Variants in C2CD3 observed in about 807,000 individuals in gnomAD.
C2CD3 encodes C2 domain containing 3 centriole elongation regulator, also known as C2 domain-containing protein 3.
Under a neutral mutation model 234.0 loss-of-function variants are expected in C2CD3, and 148 were observed. That is an observed-to-expected ratio of 0.63 (90% CI 0.55 to 0.72). The LOEUF (loss-of-function observed/expected upper bound fraction) is 0.72, where lower values mean the gene tolerates loss of function less well. Among genes scored for constraint, C2CD3 ranks in the 30% least tolerant of loss-of-function variants. The pLI, the probability that C2CD3 is intolerant of heterozygous loss-of-function variation, is 0.00. For synonymous variants in C2CD3, 1,000 were observed against 1,035.4 expected (o/e 0.97, Z 0.66); for missense variants, 2,577 against 2,811.5 (o/e 0.92, Z 1.89).
chr11:74,068,484 A>G (rs1191023746), intron 24 of C2CD3, among the ~76,000 whole-genome samples: 1 of 152,136 alleles, frequency 6.6e-6, no homozygotes, highest in African/African-American at 2.4e-5. Flanking sequence ...CCAGGGTTAG[A>G]GAGAGGAGTT....
rs374283766 is a variant in C2CD3, at chr11:74,122,993, C to T, written c.1360G>A (p.Ala454Thr). 6.2e-6 allele frequency: 10 copies of T among 1,612,466 alleles called. No homozygotes were observed. The highest frequency in any genetic ancestry group is 1.3e-5 in the African/African-American group (1 of 74,988). The change falls in exon 8 of 33, where the codon GCA (alanine) becomes ACA (threonine). Residue 454 changes from alanine to threonine, a missense_variant. Transcript: ENST00000334126. The part of the protein sequence containing the change: ...QSLLENLFYT[A>T]PKSDTSISDF... ...CTTCAGGTTCAGTGACTTACAGGTG[C>T]TGTATAAAATAAATTCTCCAGAAGA...
At chr11:74,122,853 T>C (rs1031074842) in intron 8 of C2CD3, 135 bp downstream of exon 8, 3 of 635,678 alleles carry the variant, frequency 4.7e-6, no homozygotes, top group Non-Finnish European at 8.1e-6. Context: ...ATGAAGATAA[T>C]ACTTTCCTCT....
chr11:74,070,728 A>G (rs1329835647), intron 24 of C2CD3: 7 of 152,150 alleles, frequency 4.6e-5, no homozygotes, highest in Admixed American at 3.9e-4. Context: ...AGTGTCAGTC[A>G]TGTAGCATAC....
At chr11:74,117,030 G>GAATA (rs1956993505) in intron 9 of C2CD3, among the ~76,000 whole-genome samples, 1 of 101,370 alleles carries the variant, frequency 9.9e-6, no homozygotes, top group African/African-American at 4.0e-5. Context: ...ACGTGTATAT[G>GAATA]TATATATACG....
intron 3 of C2CD3, among the ~76,000 whole-genome samples, chr11:74,147,935 T>C (rs1855326761): frequency 6.6e-6 from 1 of 152,186 alleles, no homozygotes; most frequent in African/African-American, 2.4e-5. Context: ...TCAACTTACC[T>C]TTCTCAATTT....
intron 32 of C2CD3, among the ~76,000 whole-genome samples, chr11:74,017,681 A>G (rs549538624): frequency 6.4e-4 from 97 of 152,330 alleles, no homozygotes; most frequent in Non-Finnish European, 1.1e-3. Flanking sequence ...TCTGAATGGG[A>G]TCAGGATGAG....
At chr11:74,083,603 A>G (rs1044007050) in intron 22 of C2CD3, among the ~76,000 whole-genome samples, 32 of 152,216 alleles carry the variant, frequency 2.1e-4, no homozygotes, top group African/African-American at 7.5e-4. Context: ...CAAGAAAAAA[A>G]CAAATAACCT....
intron 24 of C2CD3, 85 bp from the exon 25 acceptor site, chr11:74,057,629 G>A (rs987832046): frequency 2.6e-5 from 36 of 1,390,720 alleles, no homozygotes; most frequent in Non-Finnish European, 3.3e-5. Flanking sequence ...ACTATTCCTG[G>A]CCCTCTTCTT....
chr11:74,122,914 G>A (rs1957266908), intron 8 of C2CD3, 74 bp downstream of exon 8: 1 of 1,253,090 alleles, frequency 8.0e-7, no homozygotes, highest in Non-Finnish European at 1.1e-6. Context: ...ATGCATAGCT[G>A]TCATGCCTGC....
rs1403880480 is a variant in C2CD3, at chr11:74,057,473, A to T, written c.5023T>A (p.Ser1675Thr). 6.2e-7 allele frequency: 1 copy of T among 1,614,080 alleles called. No homozygotes were observed. The highest frequency in any genetic ancestry group is 1.7e-5 in the Admixed American group (1 of 60,020). The change falls in exon 25 of 33, where the codon TCT becomes ACT. Residue 1675 changes from serine to threonine, a missense_variant. Ser to Thr is a moderately conservative substitution (Grantham distance 58, BLOSUM62 1). Transcript: ENST00000334126. ...TCAACCACTTGGGTGTATACAGGAG[A>T]TGACTCATCGGCTGTTGCAAAGGAT... ...CVSFATADES[S>T]PVYTQVVENT... is the part of the protein sequence containing the mutation.
Position 74,102,126 on chromosome 11 carries a change from T to A in C2CD3, c.2580+1005A>T, listed in dbSNP as rs537006108. Among the ~76,000 whole-genome samples the A allele has an allele frequency of 1.1e-3, 160 of 152,248 alleles. 1 individual carries two copies. Among genetic ancestry groups the A allele is most frequent in the African/African-American group, 3.6e-3 (149 of 41,552 alleles). On this transcript the variant is annotated intron_variant, in intron 14 of 32. Coordinates refer to ENST00000334126, the MANE Select transcript of C2CD3 (RefSeq NM_001286577.2). Reference sequence around the variant, plus strand: ...CTTCCAGATAATTAAGTTAGTAGTATCTATTAGACTTGGTAAGTAATTACA... The same window carrying A: ...CTTCCAGATAATTAAGTTAGTAGTAACTATTAGACTTGGTAAGTAATTACA...
At chr11:74,127,181 A>G (rs559752677) in intron 7 of C2CD3, among the ~76,000 whole-genome samples, 4 of 152,124 alleles carry the variant, frequency 2.6e-5, no homozygotes, top group East Asian at 1.9e-4. Context: ...CTAATTTTTT[A>G]CTTTTTGTAG....
Position 74,033,672 on chromosome 11 carries a change from A to G in C2CD3, c.6488T>C (p.Val2163Ala). Residue 2163 changes from valine to alanine, a missense_variant, in exon 31 of 33, where the codon GTT (valine) becomes GCT (alanine). By Grantham distance (64) the Val-to-Ala change is moderately conservative (BLOSUM62 0). Coordinates refer to ENST00000334126, the MANE Select transcript of C2CD3 (RefSeq NM_001286577.2). The stretch of plus-strand genomic sequence containing the variant: ...GTTGGCTGAGGCAGACTCGCCACCA[A>G]CCCTGGCCTTAGAGGCCTCACACTC... Reference protein sequence around the residue: ...ACECEASKARVGGESASANPQ... With the variant: ...ACECEASKARAGGESASANPQ... 1 of 1,536,198 alleles carries G rather than the reference A, an allele frequency of 6.5e-7. No individual in the cohort carries two copies. Among genetic ancestry groups the G allele is most frequent in the African/African-American group, 1.4e-5 (1 of 73,134 alleles).
chr11:74,128,803 C>T (rs60433386), intron 7 of C2CD3: 48,285 of 185,722 alleles, frequency 0.26, 7,534 homozygotes, highest in African/African-American at 0.45. Flanking sequence ...TTGCACCGCC[C>T]TTAATCCATT....
At chr11:74,020,422 C>T (rs958742203) in intron 32 of C2CD3, among the ~76,000 whole-genome samples, 13 of 152,256 alleles carry the variant, frequency 8.5e-5, no homozygotes, top group African/African-American at 2.9e-4. Flanking sequence ...TTGAATTCAA[C>T]TTAAGCCACC....
chr11:74,023,526 A>C (rs562427559), intron 32 of C2CD3, among the ~76,000 whole-genome samples: 1 of 152,276 alleles, frequency 6.6e-6, no homozygotes, highest in African/African-American at 2.4e-5. Context: ...CCCTACCACC[A>C]ATCTCTAATC....
chr11:74,038,541 T>C (rs1328140593), intron 29 of C2CD3, among the ~76,000 whole-genome samples: 1 of 152,236 alleles, frequency 6.6e-6, no homozygotes, highest in African/African-American at 2.4e-5. Flanking sequence ...ACTCAGAATC[T>C]GGGACTCCAA....
intron 31 of C2CD3, among the ~76,000 whole-genome samples, chr11:74,030,860 C>T (rs1037691322): frequency 6.6e-6 from 1 of 152,166 alleles, no homozygotes; most frequent in Admixed American, 6.5e-5. Context: ...TATCACCTGC[C>T]GGGTAACTTG....
At chr11:74,164,906 A>G (rs1169269926) in intron 2 of C2CD3, 1 of 152,118 alleles carries the variant, frequency 6.6e-6, no homozygotes, top group Non-Finnish European at 1.5e-5. Context: ...CCTCATCTCC[A>G]CAAAAAATAC....
Sources: allele counts gnomAD v4.1 joint callset (sites outside exome capture counted in the v4.1 genomes callset), GRCh38; gene constraint gnomAD v4.1.1; transcripts MANE v1.5; gene names NCBI Gene and HGNC (gene_info 2026-07-23, HGNC 2026-07-21).